The following BRF1 variants were observed in gnomAD, a reference collection of about 807,000 sequenced individuals.
The protein encoded by BRF1 is BRF1 general transcription factor IIIB subunit.
BRF1 carries 59 observed loss-of-function variants against 81.7 expected under a neutral mutation model. The observed-to-expected ratio is 0.72, with a 90% CI of 0.59 to 0.90. The LOEUF (loss-of-function observed/expected upper bound fraction) is 0.90. Among genes scored for constraint, BRF1 ranks in the 40% least tolerant of loss-of-function variants. The pLI is 0.00. For missense variants in BRF1, 1,050 were observed against 936.3 expected (o/e 1.12, Z -1.58); for synonymous variants, 491 against 395.6 (o/e 1.24, Z -2.86).
intron 15 of BRF1, chr14:105,213,035 A>T (rs1890396761): frequency 1.3e-5 from 2 of 152,196 alleles, no homozygotes; most frequent in Admixed American, 1.3e-4. Flanking sequence ...GACTGGAGAC[A>T]GTCTGGACAC....
At position 105,269,562 on chromosome 14, in the gene BRF1, T is replaced by C. The variant is rs1226082025; in HGVS notation, c.439+3159A>G. On this transcript the variant is annotated intron_variant, in intron 3 of 17. Coordinates refer to ENST00000547530, the MANE Select transcript of BRF1 (RefSeq NM_001519.4). This position sits in a 1 kb window ranked among gnomAD's most constrained non-coding sequence, Gnocchi z 5.0. ...ATGCTGCCACTGTGAGCACTGTGCG[T>C]GAGCCTCGGTGGGGACACAGGTACT... is the stretch of plus-strand genomic sequence containing the variant. Among the ~76,000 whole-genome samples, 1 of 152,130 alleles carries C rather than the reference T, an allele frequency of 6.6e-6. No homozygotes were observed.
intron 3 of BRF1, among the ~76,000 whole-genome samples, chr14:105,266,426 A>T (rs1595426272): frequency 6.6e-6 from 1 of 152,296 alleles, no homozygotes; most frequent in East Asian, 1.9e-4. Context: ...AAAAATTTTA[A>T]AAAATTAATC....
chr14:105,225,415 T>A (rs1417456474), intron 10 of BRF1, among the ~76,000 whole-genome samples: 1 of 152,196 alleles, frequency 6.6e-6, no homozygotes, highest in African/African-American at 2.4e-5. Context: ...TTATACCCGC[T>A]TATACCCCCT....
chr14:105,278,961 T>C (rs1007391695), intron 2 of BRF1, among the ~76,000 whole-genome samples: 7 of 152,064 alleles, frequency 4.6e-5, no homozygotes, highest in African/African-American at 1.7e-4. Flanking sequence ...GGAGAATCGC[T>C]TGCACCCATG....
At chr14:105,247,003 G>A in intron 5 of BRF1, 2 of 985,418 alleles carry the variant, frequency 2.0e-6, no homozygotes, top group Non-Finnish European at 2.4e-6. Context: ...TTCTGTTGCT[G>A]ATGGACATGT....
intron 1 of BRF1, 84 bp downstream of exon 1, chr14:105,300,362 G>T: frequency 7.4e-7 from 1 of 1,351,404 alleles, no homozygotes; most frequent in Non-Finnish European, 9.6e-7. Context: ...GTACCGAGGC[G>T]CTGGTCCCGG....
intron 5 of BRF1, among the ~76,000 whole-genome samples, chr14:105,243,707 T>C (rs987866465): frequency 3.3e-5 from 5 of 151,940 alleles, no homozygotes; most frequent in Admixed American, 6.6e-5. Context: ...CTGGTAAATA[T>C]ATCAACGGCT....
intron 2 of BRF1, among the ~76,000 whole-genome samples, chr14:105,281,969 C>A (rs754689927): frequency 5.3e-5 from 8 of 152,094 alleles, no homozygotes; most frequent in Non-Finnish European, 1.0e-4. Context: ...CTGAGAAACG[C>A]GTCCCAAACG....
rs2055205788 is a variant in BRF1, at chr14:105,247,588, CAG to C, written c.544+4917_544+4918del. 8.1e-6 allele frequency: 8 copies of C among 985,484 alleles called. No homozygotes were observed. In the South Asian group the frequency reaches 2.3e-4, roughly 29 times the overall value. 61.0% of individuals were successfully genotyped at this position (985,484 alleles called of 1,614,324 possible). A position where few individuals can be genotyped will look rare whatever the true frequency, so the allele number is the denominator to read the frequency against. ...ACATTCACTACAACTGTAACGACCACAGAGACACAGAGCTCCTGTTCACTGTT... is the reference window on the plus strand; with the variant it reads ...ACATTCACTACAACTGTAACGACCACAGACACAGAGCTCCTGTTCACTGTT... On this transcript the variant is annotated intron_variant, in intron 5 of 17. Coordinates refer to ENST00000547530, the MANE Select transcript of BRF1 (RefSeq NM_001519.4).
intron 5 of BRF1, chr14:105,247,951 C>T (rs934410072): frequency 4.1e-6 from 4 of 985,368 alleles, no homozygotes; most frequent in African/African-American, 3.5e-5. Context: ...CCTGCGACTG[C>T]GATCCACAGG....
intron 1 of BRF1, among the ~76,000 whole-genome samples, chr14:105,288,181 G>A (rs587756909): frequency 2.0e-5 from 3 of 152,332 alleles, no homozygotes; most frequent in East Asian, 3.9e-4. Flanking sequence ...AGGTCCGGGC[G>A]CGGTGGCTCA....
chr14:105,249,456 G>T, intron 5 of BRF1: 1 of 1,613,456 alleles, frequency 6.2e-7, no homozygotes, highest in Non-Finnish European at 8.5e-7. Flanking sequence ...CGTGGAGCCC[G>T]CAGCCTTTCT....
At chr14:105,246,935 G>C (rs1265881192) in intron 5 of BRF1, 3 of 985,306 alleles carry the variant, frequency 3.0e-6, no homozygotes, top group African/African-American at 3.5e-5. Flanking sequence ...GTGTGCTGCT[G>C]TAAGTTATTC....
Position 105,314,956 on chromosome 14 carries a change from C to CCGGCGCGCT in BRF1, c.-162+357_-162+365dup, listed in dbSNP as rs1422074156. 5.0e-6 allele frequency: 6 copies of CCGGCGCGCT among 1,191,672 alleles called. No homozygotes were observed. The Admixed American group carries it at 9.4e-5, about 19-fold the overall frequency. The allele number at this position is 1,191,672 out of a possible 1,614,324, so 73.8% of individuals were successfully genotyped here. On this transcript the variant is annotated intron_variant, in intron 1 of 17. Coordinates refer to the BRF1 transcript ENST00000327359. ...GGCCGCCTCGGCCTCCCCGGCGCGC[C>CCGGCGCGCT]CGGCGCGCTCAACACGCCCGTGCCC...
intron 5 of BRF1, chr14:105,248,857 C>T (rs1015080509): frequency 3.0e-6 from 3 of 990,512 alleles, no homozygotes; most frequent in Admixed American, 6.2e-5. Flanking sequence ...GCCCCCGCCG[C>T]CCCGCCCGCG....
intron 5 of BRF1, chr14:105,241,894 CTG>C (rs1555382558): frequency 2.8e-5 from 6 of 211,284 alleles, no homozygotes; most frequent in Admixed American, 1.0e-4. Flanking sequence ...GCCACGGGGG[CTG>C]TGTGTGCACA....
At chr14:105,291,950 A>AT (rs1015615225) in intron 1 of BRF1, among the ~76,000 whole-genome samples, 1 of 151,922 alleles carries the variant, frequency 6.6e-6, no homozygotes, top group African/African-American at 2.4e-5. Context: ...GTGAGATGAG[A>AT]TTGCGCCATT....
Position 105,221,910 on chromosome 14 carries a change from G to T in BRF1, c.1053C>A (p.Ser351=). 6.3e-7 allele frequency: 1 copy of T among 1,588,782 alleles called. No individual in the cohort carries two copies. Among genetic ancestry groups the T allele is most frequent in the South Asian group, 1.1e-5 (1 of 87,630 alleles). The change falls in exon 11 of 18, where the codon TCC becomes TCA. Residue 351 remains serine, a synonymous_variant. Coordinates refer to ENST00000547530, the MANE Select transcript of BRF1 (RefSeq NM_001519.4). ...GGLASLAKDG[S]TEDTASSLCG... ...ACAAGCTGGACGCGGTGTCCTCGGT[G>T]GAGCCTAGGTGTACACAATCCACCT...
chr14:105,312,002 T>C (rs1211879973), intron 1 of BRF1, among the ~76,000 whole-genome samples: 1 of 151,820 alleles, frequency 6.6e-6, no homozygotes, highest in Non-Finnish European at 1.5e-5. Flanking sequence ...GGAGAAGGAG[T>C]AGGGGCGCTG....
Sources: allele counts gnomAD v4.1 joint callset (sites outside exome capture counted in the v4.1 genomes callset), GRCh38; gene constraint gnomAD v4.1.1; non-coding constraint Gnocchi (gnomAD v3.1); transcripts MANE v1.5; gene names NCBI Gene and HGNC (gene_info 2026-07-23, HGNC 2026-07-21).